CDK14: variants seen among roughly 807,000 people sequenced by gnomAD.
The protein encoded by CDK14 is cyclin-dependent kinase 14.
Under a neutral mutation model 60.7 loss-of-function variants are expected in CDK14, and 34 were observed. The observed-to-expected ratio is 0.56, with a 90% CI of 0.43 to 0.75. The LOEUF (loss-of-function observed/expected upper bound fraction) is 0.75, where lower values mean the gene tolerates loss of function less well. Ranked by LOEUF, CDK14 falls within the 30% of genes least tolerant of loss-of-function variation. The pLI is 0.00. For missense variants in CDK14, 482 were observed against 564.1 expected (o/e 0.85, Z 1.47); for synonymous variants, 197 against 203.7 (o/e 0.97, Z 0.28).
intron 6 of CDK14, among the ~76,000 whole-genome samples, chr7:90,887,510 C>T (rs1166659499): frequency 3.9e-5 from 6 of 152,100 alleles, no homozygotes; most frequent in Non-Finnish European, 7.4e-5. Context: ...GTATAATATA[C>T]ATCTAGCCAG....
At chr7:90,637,580 G>A (rs1304036109) in intron 2 of CDK14, among the ~76,000 whole-genome samples, 1 of 151,926 alleles carries the variant, frequency 6.6e-6, no homozygotes, top group Admixed American at 6.6e-5. Context: ...TGGAATAGGT[G>A]TGGTGTGGTG....
chr7:90,622,928 T>C (rs1799803704), intron 2 of CDK14, among the ~76,000 whole-genome samples: 1 of 150,244 alleles, frequency 6.7e-6, no homozygotes, highest in Admixed American at 6.6e-5. Context: ...TTTTTCTTTT[T>C]TTTTTTTTTT....
chr7:90,870,865 ATCT>A (rs1258146258), intron 6 of CDK14, among the ~76,000 whole-genome samples: 1 of 152,188 alleles, frequency 6.6e-6, no homozygotes, highest in African/African-American at 2.4e-5. Flanking sequence ...GGGTCTAATG[ATCT>A]TCATTCTCTT....
intron 4 of CDK14, among the ~76,000 whole-genome samples, chr7:90,781,788 G>C (rs1318882524): frequency 1.3e-5 from 2 of 151,746 alleles, no homozygotes; most frequent in African/African-American, 2.4e-5. Flanking sequence ...CTCTGTTTTG[G>C]TACCAGTACC....
intron 6 of CDK14, among the ~76,000 whole-genome samples, chr7:90,893,041 G>A (rs1051465724): frequency 1.3e-5 from 2 of 152,160 alleles, no homozygotes; most frequent in Non-Finnish European, 2.9e-5. Context: ...GCCTCCCAGA[G>A]GATACTGATT....
chr7:91,187,164 G>T (rs1448855611), intron 14 of CDK14, among the ~76,000 whole-genome samples: 1 of 152,208 alleles, frequency 6.6e-6, no homozygotes, highest in South Asian at 2.1e-4. Context: ...TTAAAATATG[G>T]TTAAGTACTG....
intron 14 of CDK14, among the ~76,000 whole-genome samples, chr7:91,149,149 GGAA>G: frequency 6.6e-6 from 1 of 152,254 alleles, no homozygotes; most frequent in Admixed American, 6.5e-5. Flanking sequence ...CTTGAAGAAG[GGAA>G]GTAGTAACAG....
At chr7:91,030,209 A>G (rs997125925) in intron 10 of CDK14, among the ~76,000 whole-genome samples, 12 of 152,220 alleles carry the variant, frequency 7.9e-5, no homozygotes, top group Non-Finnish European at 1.5e-4. Context: ...GTACATTTTT[A>G]TAGAACTATT....
At chr7:91,051,762 A>T (rs1797399315) in intron 11 of CDK14, among the ~76,000 whole-genome samples, 1 of 152,174 alleles carries the variant, frequency 6.6e-6, no homozygotes, top group African/African-American at 2.4e-5. Flanking sequence ...TCTGCTATAA[A>T]TTCCTCCTGG....
intron 12 of CDK14, among the ~76,000 whole-genome samples, chr7:91,084,439 G>A (rs527730986): frequency 2.6e-5 from 4 of 152,312 alleles, no homozygotes; most frequent in African/African-American, 9.6e-5. Flanking sequence ...ATGCACCATG[G>A]GAAAAAGGCT....
At chr7:90,988,522 G>T (rs988356460) in intron 10 of CDK14, among the ~76,000 whole-genome samples, 1 of 152,128 alleles carries the variant, frequency 6.6e-6, no homozygotes, top group Non-Finnish European at 1.5e-5. Flanking sequence ...TGCAAAATAA[G>T]CAGCAAATGC....
chr7:90,805,253 C>T (rs1195359333), intron 5 of CDK14, among the ~76,000 whole-genome samples: 1 of 151,974 alleles, frequency 6.6e-6, no homozygotes, highest in African/African-American at 2.4e-5. Context: ...AACCCATGAG[C>T]AAGGGGGGTA....
chr7:90,824,092 A>T (rs921469438), intron 5 of CDK14, among the ~76,000 whole-genome samples: 33 of 152,238 alleles, frequency 2.2e-4, no homozygotes, highest in African/African-American at 7.7e-4. Flanking sequence ...GAGCTTTGTC[A>T]GGAACGGTTA....
At chr7:90,865,816 C>T (rs1390221074) in intron 6 of CDK14, among the ~76,000 whole-genome samples, 1 of 152,050 alleles carries the variant, frequency 6.6e-6, no homozygotes, top group Non-Finnish European at 1.5e-5. Flanking sequence ...ACTGTAAATA[C>T]CATCATTTTG....
intron 5 of CDK14, among the ~76,000 whole-genome samples, chr7:90,820,573 T>C (rs896077508): frequency 6.6e-6 from 1 of 152,216 alleles, no homozygotes; most frequent in African/African-American, 2.4e-5. Flanking sequence ...GTAAGTTTCC[T>C]GAGGCCTCCC....
chr7:91,026,449 G>T (rs953537581), intron 10 of CDK14, among the ~76,000 whole-genome samples: 1 of 152,218 alleles, frequency 6.6e-6, no homozygotes, highest in Non-Finnish European at 1.5e-5. Flanking sequence ...AGACAGGATA[G>T]TCTTATAGAA....
At chr7:91,057,642 A>G (rs371299497) in intron 11 of CDK14, among the ~76,000 whole-genome samples, 63 of 152,200 alleles carry the variant, frequency 4.1e-4, no homozygotes, top group African/African-American at 1.2e-3. Flanking sequence ...AGTTTTCCCA[A>G]CACCATTTAT....
At chr7:90,722,726 A>G (rs1241984838) in intron 2 of CDK14, among the ~76,000 whole-genome samples, 1 of 151,958 alleles carries the variant, frequency 6.6e-6, no homozygotes, top group East Asian at 1.9e-4. Context: ...ACTGATTTTT[A>G]TAATTATCAA....
chr7:90,893,694 G>C (rs1206124327), intron 6 of CDK14, among the ~76,000 whole-genome samples: 1 of 152,080 alleles, frequency 6.6e-6, no homozygotes, highest in Non-Finnish European at 1.5e-5. Context: ...GCAGTCCTAG[G>C]CACAATACTA....
Sources: gnomAD v4.1 joint callset for allele counts (sites outside exome capture counted in the v4.1 genomes callset) on GRCh38, gnomAD v4.1.1 for gene constraint, MANE v1.5 for transcripts, NCBI Gene and HGNC (gene_info 2026-07-23, HGNC 2026-07-21) for gene names.